The following GREB1L variants were observed in gnomAD, a reference collection of about 807,000 sequenced individuals.
GREB1L encodes GREB1 like retinoic acid receptor coactivator.
A neutral mutation model predicts 200.8 loss-of-function variants in GREB1L; 17 were observed. The observed-to-expected ratio is 0.08, with a 90% CI of 0.06 to 0.13. GREB1L has a LOEUF of 0.13. Among genes scored for constraint, GREB1L ranks in the 10% least tolerant of loss-of-function variants. GREB1L has a pLI of 1.00. For synonymous variants in GREB1L, 789 were observed against 893.0 expected (o/e 0.88, Z 2.08); for missense variants, 1,657 against 2,367.7 (o/e 0.70, Z 6.23).
At chr18:21,470,367 T>C (rs1358077916) in intron 15 of GREB1L, among the ~76,000 whole-genome samples, 2 of 152,222 alleles carry the variant, frequency 1.3e-5, no homozygotes, top group Non-Finnish European at 2.9e-5. Context: ...ATTTAATTTT[T>C]ATTTTATGAT....
In GREB1L at chr18:21,468,011, C is replaced by T. The variant is rs1013462910; in HGVS notation, c.2183-5020C>T. On this transcript the variant is annotated intron_variant, in intron 15 of 32. Transcript: ENST00000424526. The stretch of plus-strand genomic sequence containing the variant: ...CTGCACTCCAGCCTGGGCAACAGAG[C>T]GAGACTCCATCTGAAAAAAAAAAAA... 2.9e-5 allele frequency among the ~76,000 whole-genome samples: 4 copies of T among 137,392 alleles called. No individual in the cohort carries two copies. In the South Asian group the frequency reaches 6.8e-4, roughly 23 times the overall value. 90.1% of individuals were successfully genotyped at this position (137,392 alleles called of 152,430 possible). A position where few individuals can be genotyped will look rare whatever the true frequency, so the allele number is the denominator to read the frequency against.
chr18:21,293,545 A>G (rs1261399975), intron 1 of GREB1L, among the ~76,000 whole-genome samples: 1 of 152,230 alleles, frequency 6.6e-6, no homozygotes, highest in African/African-American at 2.4e-5. Flanking sequence ...ATTGCCTGCT[A>G]TGTGATGACC....
intron 1 of GREB1L, among the ~76,000 whole-genome samples, chr18:21,343,497 A>G (rs565894165): frequency 6.6e-6 from 1 of 152,134 alleles, no homozygotes; most frequent in Non-Finnish European, 1.5e-5. Flanking sequence ...AGGTCATGGA[A>G]TCTTTGGATT....
At chr18:21,500,474 CTT>C in intron 22 of GREB1L, 64 bp from the exon 23 acceptor site, 1 of 1,224,910 alleles carries the variant, frequency 8.2e-7, no homozygotes, top group Non-Finnish European at 1.2e-6. Flanking sequence ...TGTGAAATCT[CTT>C]TTCTCTTTTC....
rs529674777 is a variant in GREB1L, at chr18:21,408,143, G to A, written c.832+4149G>A. ...TGTTCCCAATACACACACAAAAAAA[G>A]ATAGATGTTTGAGGTGATGGATATC... On this transcript the variant is annotated intron_variant, in intron 7 of 32. Transcript: ENST00000424526. Among the ~76,000 whole-genome samples the A allele has an allele frequency of 2.1e-5, 3 of 143,916 alleles. No individual in the cohort carries two copies. In the South Asian group the frequency reaches 6.5e-4, roughly 31 times the overall value. The allele number at this position is 143,916 out of a possible 152,430, so 94.4% of individuals were successfully genotyped here.
chr18:21,392,734 G>T (rs563174756), intron 4 of GREB1L, among the ~76,000 whole-genome samples: 1 of 151,480 alleles, frequency 6.6e-6, no homozygotes, highest in Non-Finnish European at 1.5e-5. Flanking sequence ...ATGCCCCACC[G>T]CTTCATCCAT....
intron 7 of GREB1L, among the ~76,000 whole-genome samples, chr18:21,414,598 C>G (rs1363412947): frequency 6.6e-6 from 1 of 152,158 alleles, no homozygotes; most frequent in Non-Finnish European, 1.5e-5. Flanking sequence ...TCTCTGCTCA[C>G]TACTGAACAA....
chr18:21,332,815 C>G (rs2039125241), intron 1 of GREB1L, among the ~76,000 whole-genome samples: 1 of 152,034 alleles, frequency 6.6e-6, no homozygotes. Flanking sequence ...TGAAGTGGCT[C>G]AACACCTGTA....
chr18:21,392,578 T>TAA, intron 4 of GREB1L, among the ~76,000 whole-genome samples: 1 of 152,090 alleles, frequency 6.6e-6, no homozygotes, highest in South Asian at 2.1e-4. Flanking sequence ...AAATTGACTT[T>TAA]TATTAATGTT....
intron 32 of GREB1L, among the ~76,000 whole-genome samples, chr18:21,522,287 A>T (rs1188355922): frequency 1.3e-5 from 2 of 151,998 alleles, no homozygotes; most frequent in Non-Finnish European, 2.9e-5. Flanking sequence ...CCTGGCCAAC[A>T]TGATGAAACC....
chr18:21,474,773 A>C (rs1313485274), intron 16 of GREB1L, among the ~76,000 whole-genome samples: 2 of 152,202 alleles, frequency 1.3e-5, no homozygotes, highest in Non-Finnish European at 2.9e-5. Context: ...AGGGGCTGCC[A>C]TGAAGACCTC....
At chr18:21,333,863 T>G (rs1337002730) in intron 1 of GREB1L, among the ~76,000 whole-genome samples, 1 of 151,780 alleles carries the variant, frequency 6.6e-6, no homozygotes, top group East Asian at 1.9e-4. Flanking sequence ...GTACCTGTAG[T>G]CCCAGCTACT....
chr18:21,512,223 A>T (rs1164393617), intron 27 of GREB1L, among the ~76,000 whole-genome samples: 3 of 152,158 alleles, frequency 2.0e-5, no homozygotes, highest in Non-Finnish European at 4.4e-5. Flanking sequence ...CTATTTCTGC[A>T]AAGTCTTTGG....
chr18:21,294,684 TAAA>T, intron 1 of GREB1L, among the ~76,000 whole-genome samples: 1 of 151,730 alleles, frequency 6.6e-6, no homozygotes, highest in Non-Finnish European at 1.5e-5. Flanking sequence ...GGGTAAAGAT[TAAA>T]AACAATTTTA....
At chr18:21,404,440 A>G (rs1430330182) in intron 7 of GREB1L, among the ~76,000 whole-genome samples, 1 of 152,250 alleles carries the variant, frequency 6.6e-6, no homozygotes, top group Non-Finnish European at 1.5e-5. Context: ...GTGGATCACA[A>G]CGGATGAATC....
chr18:21,299,498 T>C (rs2038584109), intron 1 of GREB1L, among the ~76,000 whole-genome samples: 1 of 151,916 alleles, frequency 6.6e-6, no homozygotes, highest in African/African-American at 2.4e-5. Flanking sequence ...TTAGTTGCTT[T>C]TCTCCTCCTA....
At chr18:21,261,434 G>T (rs1265686701) in intron 1 of GREB1L, among the ~76,000 whole-genome samples, 1 of 151,988 alleles carries the variant, frequency 6.6e-6, no homozygotes, top group Non-Finnish European at 1.5e-5. Context: ...CTTAAGCAAG[G>T]TTACCTTCTG....
At chr18:21,377,483 C>T (rs2040118852) in intron 2 of GREB1L, among the ~76,000 whole-genome samples, 1 of 152,098 alleles carries the variant, frequency 6.6e-6, no homozygotes, top group Non-Finnish European at 1.5e-5. Flanking sequence ...TTATTAAGTA[C>T]ATAGCAGAGA....
intron 1 of GREB1L, among the ~76,000 whole-genome samples, chr18:21,345,781 A>G (rs765691481): frequency 6.6e-6 from 1 of 151,604 alleles, no homozygotes. Context: ...CTGAGGCAGG[A>G]GAATCACTTG....
Sources: gnomAD v4.1 joint callset for allele counts (sites outside exome capture counted in the v4.1 genomes callset) on GRCh38, gnomAD v4.1.1 for gene constraint, MANE v1.5 for transcripts, NCBI Gene and HGNC (gene_info 2026-07-23, HGNC 2026-07-21) for gene names.